Variants in ZNF644 observed in about 807,000 individuals in gnomAD.
ZNF644 encodes the protein zinc finger motif enhancer binding protein 2.
Under a neutral mutation model 108.0 loss-of-function variants are expected in ZNF644, and 20 were observed. That is an observed-to-expected ratio of 0.19 (90% CI 0.13 to 0.27). ZNF644 has a LOEUF of 0.27. Among genes scored for constraint, ZNF644 ranks in the 10% least tolerant of loss-of-function variants. The pLI is 1.00. For synonymous variants in ZNF644, 542 were observed against 539.1 expected, an observed-to-expected ratio of 1.01 and a Z score of -0.08; for missense variants, 1,338 against 1,548.9, an observed-to-expected ratio of 0.86 and a Z score of 2.29.
chr1:91,008,528 GAA>G (rs553003003), intron 1 of ZNF644, among the ~76,000 whole-genome samples: 14 of 152,310 alleles, frequency 9.2e-5, no homozygotes, highest in Admixed American at 5.2e-4. Context: ...AGCGTTTTCA[GAA>G]AAGCTTCCTA....
intron 4 of ZNF644, 165 bp from the exon 5 acceptor site, chr1:90,918,319 T>G: frequency 1.5e-6 from 1 of 662,720 alleles, no homozygotes; most frequent in Admixed American, 2.1e-5. Flanking sequence ...GATTCTGTAA[T>G]AGCAGTAATA....
In ZNF644 at chr1:90,940,922, C is replaced by T. The variant is rs768553971; in HGVS notation, c.432G>A (p.Val144=). 2.2e-5 allele frequency: 35 copies of T among 1,613,964 alleles called. No homozygotes were observed. The highest frequency in any genetic ancestry group is 3.0e-5 in the Non-Finnish European group (35 of 1,179,984). ...AACAAGATTCTGTTGTTGGCTGATC[C>T]ACAGGCTGTCCAGTGGTTAATGAAA... The part of the protein sequence containing the change: ...GSVSLTTGQP[V]DQPTTESCST... The change falls in exon 3 of 6, where the codon GTG becomes GTA. Residue 144 remains valine (V), a synonymous_variant. Transcript: ENST00000337393.
At chr1:90,966,692 G>A (rs1374083163) in intron 2 of ZNF644, among the ~76,000 whole-genome samples, 1 of 148,874 alleles carries the variant, frequency 6.7e-6, no homozygotes, top group African/African-American at 2.5e-5. Flanking sequence ...GGAGGTTGTG[G>A]TGAACCAAGA....
intron 1 of ZNF644, among the ~76,000 whole-genome samples, chr1:90,997,569 A>AG (rs886200180): frequency 6.6e-5 from 10 of 151,376 alleles, no homozygotes; most frequent in Non-Finnish European, 1.2e-4. Flanking sequence ...AAAAAAGGGG[A>AG]GGGGGGCGGT....
chr1:91,011,961 T>C (rs575632306), intron 1 of ZNF644, among the ~76,000 whole-genome samples: 83 of 152,222 alleles, frequency 5.5e-4, no homozygotes, highest in African/African-American at 2.0e-3. Flanking sequence ...TAGAGAATAC[T>C]GTAATGACAG....
chr1:90,976,346 T>C (rs1055772578), intron 2 of ZNF644, among the ~76,000 whole-genome samples: 13 of 152,334 alleles, frequency 8.5e-5, no homozygotes, highest in African/African-American at 3.1e-4. Flanking sequence ...TGCATGGTAC[T>C]GGGAATTCTA....
At chr1:90,967,347 T>A (rs915659136) in intron 2 of ZNF644, among the ~76,000 whole-genome samples, 1 of 152,198 alleles carries the variant, frequency 6.6e-6, no homozygotes, top group Non-Finnish European at 1.5e-5. Context: ...CTCAACCCAC[T>A]CTGTGTCAAG....
At chr1:90,973,467 G>C (rs12128177) in intron 2 of ZNF644, among the ~76,000 whole-genome samples, 197 of 152,148 alleles carry the variant, frequency 1.3e-3, no homozygotes, top group Non-Finnish European at 2.3e-3. Flanking sequence ...TCGTATTTTA[G>C]TTTTGTTATC....
At chr1:91,018,619 T>C (rs1169533381) in intron 1 of ZNF644, among the ~76,000 whole-genome samples, 1 of 152,242 alleles carries the variant, frequency 6.6e-6, no homozygotes, top group Non-Finnish European at 1.5e-5. Context: ...TGCTGCAAGC[T>C]ACAATTGTCT....
chr1:90,928,107 A>C (rs1031009831), intron 4 of ZNF644, among the ~76,000 whole-genome samples: 2 of 151,240 alleles, frequency 1.3e-5, no homozygotes, highest in African/African-American at 4.9e-5. Context: ...CGGCCTCCCA[A>C]AGTGCTTGGG....
At chr1:90,982,203 T>C in intron 2 of ZNF644, 107 bp downstream of exon 2, 1 of 922,084 alleles carries the variant, frequency 1.1e-6, no homozygotes, top group Non-Finnish European at 1.7e-6. Context: ...CAAAATTTTA[T>C]TTAAAAACTC....
intron 1 of ZNF644, among the ~76,000 whole-genome samples, chr1:90,998,385 A>G (rs1658394415): frequency 6.6e-6 from 1 of 152,248 alleles, no homozygotes; most frequent in Non-Finnish European, 1.5e-5. Flanking sequence ...TTTGCTGTTC[A>G]GCAATATTTG....
intron 2 of ZNF644, chr1:90,972,876 A>G (rs1359071922): frequency 6.6e-6 from 1 of 152,208 alleles, no homozygotes; most frequent in African/African-American, 2.4e-5. Flanking sequence ...GACAAACACT[A>G]TATGATTCTG....
intron 4 of ZNF644, among the ~76,000 whole-genome samples, chr1:90,920,780 A>G (rs1454097121): frequency 6.6e-6 from 1 of 152,086 alleles, no homozygotes; most frequent in Non-Finnish European, 1.5e-5. Flanking sequence ...AATCTCATGC[A>G]CTGAGAATCC....
At chr1:90,949,335 T>C (rs1485400914) in intron 2 of ZNF644, among the ~76,000 whole-genome samples, 3 of 152,112 alleles carry the variant, frequency 2.0e-5, no homozygotes, top group Non-Finnish European at 2.9e-5. Context: ...ATGTGAACTC[T>C]TGAAATATTA....
intron 4 of ZNF644, among the ~76,000 whole-genome samples, chr1:90,922,518 T>C (rs1306210326): frequency 6.6e-6 from 1 of 152,108 alleles, no homozygotes; most frequent in Non-Finnish European, 1.5e-5. Context: ...GTGCTGGCAG[T>C]GGTGAGGTGG....
At chr1:90,944,395 A>C (rs1652313239) in intron 2 of ZNF644, among the ~76,000 whole-genome samples, 1 of 152,214 alleles carries the variant, frequency 6.6e-6, no homozygotes. Flanking sequence ...TTTTATCTAC[A>C]AAACACATCT....
Position 90,938,984 on chromosome 1 carries a change from A to C in ZNF644, c.2370T>G (p.His790Gln). ...TTTCAGGCCTTTTGGCGTCAGGCTT[A>C]TGAGGGTCTGAAATAAAATTGTTGT... ...NSHNNFISDP[H>Q]KPDAKRPESF... The change falls in exon 3 of 6, where the codon CAT becomes CAG. Residue 790 changes from histidine (H) to glutamine (Q), a missense_variant. Transcript: ENST00000337393. The surrounding 1 kb of genome is among the most constrained non-coding windows in gnomAD (Gnocchi z 4.2). The C allele has an allele frequency of 6.2e-7, 1 of 1,614,042 alleles. No individual in the cohort carries two copies. Among genetic ancestry groups the C allele is most frequent in the Non-Finnish European group, 8.5e-7 (1 of 1,179,944 alleles).
chr1:90,963,671 C>G (rs2101156323), intron 2 of ZNF644, among the ~76,000 whole-genome samples: 1 of 152,054 alleles, frequency 6.6e-6, no homozygotes, highest in Non-Finnish European at 1.5e-5. Flanking sequence ...ATAAGCTAGA[C>G]AAAATAATAC....
Sources: allele counts gnomAD v4.1 joint callset (sites outside exome capture counted in the v4.1 genomes callset), GRCh38; gene constraint gnomAD v4.1.1; non-coding constraint Gnocchi (gnomAD v3.1); transcripts MANE v1.5; gene names NCBI Gene and HGNC (gene_info 2026-07-23, HGNC 2026-07-21).